HIP1: variants seen among roughly 807,000 people sequenced by gnomAD.
HIP1 encodes huntingtin interacting protein 1, also known as huntingtin-interacting protein 1.
A neutral mutation model predicts 147.6 loss-of-function variants in HIP1; 65 were observed. The observed-to-expected ratio is 0.44, with a 90% CI of 0.36 to 0.54. The LOEUF is 0.54. Ranked by LOEUF, HIP1 falls within the 20% of genes least tolerant of loss-of-function variation. The probability of loss-of-function intolerance (pLI) is 0.00; values close to 1 mark genes in which losing one functional copy is unlikely to be tolerated. For missense variants in HIP1, 1,061 were observed against 1,299.6 expected, an observed-to-expected ratio of 0.82 and a Z score of 2.82; for synonymous variants, 479 against 504.0, an observed-to-expected ratio of 0.95 and a Z score of 0.67.
At chr7:75,614,142 T>C (rs1797545910) in intron 1 of HIP1, among the ~76,000 whole-genome samples, 1 of 152,234 alleles carries the variant, frequency 6.6e-6, no homozygotes, top group Non-Finnish European at 1.5e-5. Context: ...CTCAAACTTC[T>C]GGCCTCAAGT....
chr7:75,629,929 C>T (rs887785417), intron 1 of HIP1, among the ~76,000 whole-genome samples: 1 of 152,108 alleles, frequency 6.6e-6, no homozygotes, highest in Non-Finnish European at 1.5e-5. Flanking sequence ...GAGGCCGAGG[C>T]AGGAGTATTG....
intron 7 of HIP1, among the ~76,000 whole-genome samples, chr7:75,576,690 C>T (rs1366917719): frequency 6.6e-6 from 1 of 152,134 alleles, no homozygotes; most frequent in African/African-American, 2.4e-5. Flanking sequence ...GCCTGAACGA[C>T]AGAGCAAGGC....
intron 2 of HIP1, among the ~76,000 whole-genome samples, chr7:75,595,187 C>CCTTTCTTTCTTTCGTT (rs1796645732): frequency 9.2e-6 from 1 of 108,340 alleles, no homozygotes; most frequent in Non-Finnish European, 2.0e-5. Flanking sequence ...GTGTAGGAGT[C>CCTTTCTTTCTTTCGTT]CTTTCTTTCT....
In HIP1 at chr7:75,689,499, G is replaced by A. The variant is rs570890163; in HGVS notation, c.120+49302C>T. On this transcript the variant is annotated intron_variant, in intron 1 of 30. Transcript: ENST00000336926. ...AGCCTGGGCAACAGAGCAAGACTCC[G>A]CCTCAAATAAATAAATAAAGGTAAT... is the stretch of plus-strand genomic sequence containing the variant. Among the ~76,000 whole-genome samples, 8 of 152,100 alleles carry A rather than the reference G, an allele frequency of 5.3e-5. No individual in the cohort carries two copies. In the East Asian group the frequency reaches 5.8e-4, roughly 11 times the overall value.
At chr7:75,736,909 G>A (rs537422655) in intron 1 of HIP1, among the ~76,000 whole-genome samples, 9 of 150,822 alleles carry the variant, frequency 6.0e-5, no homozygotes, top group Non-Finnish European at 1.0e-4. Context: ...ACACCTGCGC[G>A]CGGTTTTCTT....
In HIP1 at chr7:75,690,887, T is replaced by C. The variant is rs78263092; in HGVS notation, c.120+47914A>G. ...TCAAAAAAAAAAGTTAAACGTAGAA[T>C]TGCTATACGACCCAGCAATTCCACT... On this transcript the variant is annotated intron_variant, in intron 1 of 30. Transcript: ENST00000336926. Among the ~76,000 whole-genome samples the C allele has an allele frequency of 8.5e-3, 1,287 of 152,028 alleles. 23 individuals are homozygous for C. The highest frequency in any genetic ancestry group is 0.03 in the African/African-American group (1,236 of 41,468).
chr7:75,620,509 A>G (rs781790560), intron 1 of HIP1, among the ~76,000 whole-genome samples: 9 of 151,990 alleles, frequency 5.9e-5, no homozygotes, highest in Non-Finnish European at 1.0e-4. Context: ...CAACATGGTG[A>G]AACCAGTCTC....
chr7:75,668,667 C>G (rs1799632430), intron 1 of HIP1, among the ~76,000 whole-genome samples: 1 of 152,146 alleles, frequency 6.6e-6, no homozygotes, highest in South Asian at 2.1e-4. Context: ...TTGGGCCAAC[C>G]TCCTGGCCAA....
intron 1 of HIP1, among the ~76,000 whole-genome samples, chr7:75,675,899 T>TAATA (rs1195423776): frequency 1.3e-5 from 2 of 152,128 alleles, no homozygotes; most frequent in African/African-American, 2.4e-5. Flanking sequence ...GAGGATCACT[T>TAATA]AATAAATAAA....
chr7:75,632,566 T>C (rs1268711032), intron 1 of HIP1, among the ~76,000 whole-genome samples: 64 of 150,110 alleles, frequency 4.3e-4, no homozygotes, highest in African/African-American at 1.0e-3. Context: ...TTTTTCTTTT[T>C]TTTTTTTTTT....
chr7:75,617,877 T>G (rs1268439839), intron 1 of HIP1, among the ~76,000 whole-genome samples: 1 of 152,194 alleles, frequency 6.6e-6, no homozygotes, highest in Non-Finnish European at 1.5e-5. Flanking sequence ...TCCCCATTCA[T>G]CATAGTCACT....
In HIP1 at chr7:75,539,306, C is replaced by T. The variant is rs782782718; in HGVS notation, c.3061+17G>A. The T allele has an allele frequency of 3.1e-6, 5 of 1,594,168 alleles. No individual in the cohort carries two copies. The South Asian group carries it at 5.5e-5, about 18-fold the overall frequency. ...CTCCCTGCTGCGGGTTAGTGCCCAT[C>T]CTTGGAGTCAGCTTACCTTCTTCCC... On this transcript the variant is annotated intron_variant, in intron 30 of 30. Coordinates refer to ENST00000336926, the MANE Select transcript of HIP1 (RefSeq NM_005338.7).
Position 75,586,913 on chromosome 7 carries a change from A to T in HIP1, c.385-80T>A, listed in dbSNP as rs1396904447. The T allele has an allele frequency of 3.6e-6, 3 of 841,746 alleles. No homozygotes were observed. The African/African-American group carries it at 5.0e-5, about 14-fold the overall frequency. The allele number at this position is 841,746 out of a possible 1,614,324, so 52.1% of individuals were successfully genotyped here. A position where few individuals can be genotyped will look rare whatever the true frequency, so the allele number is the denominator to read the frequency against. ...GATCTGCAGCCAGGAATTCTCTGGT[A>T]AAGAATCTATCTTCTTTGTTTTCTC... On this transcript the variant is annotated intron_variant, in intron 4 of 30. Transcript: ENST00000336926.
Position 75,536,077 on chromosome 7 carries a change from C to T in HIP1, c.*2095G>A, listed in dbSNP as rs1384965535. 4 of 186,638 alleles carry T rather than the reference C, an allele frequency of 2.1e-5. No homozygotes were observed. The highest frequency in any genetic ancestry group is 9.4e-5 in the African/African-American group (4 of 42,692). The allele number at this position is 186,638 out of a possible 1,614,324, so 11.6% of individuals were successfully genotyped here. A position where few individuals can be genotyped will look rare whatever the true frequency, so the allele number is the denominator to read the frequency against. ...GAGATCTAGAAGTGAGGACTAGCCACTTTTGGAAATGTTGACCCGCATCAA... is the reference window on the plus strand; with the variant it reads ...GAGATCTAGAAGTGAGGACTAGCCATTTTTGGAAATGTTGACCCGCATCAA... On this transcript the variant is annotated 3_prime_UTR_variant, in exon 31 of 31. Transcript: ENST00000336926.
At chr7:75,544,904 G>C (rs1201079029) in intron 26 of HIP1, 104 bp from the exon 27 acceptor site, 1 of 828,596 alleles carries the variant, frequency 1.2e-6, no homozygotes, top group Non-Finnish European at 2.0e-6. Flanking sequence ...AAACAGGGAG[G>C]GGAGGCTGCC....
chr7:75,671,735 G>GT (rs1285653195), intron 1 of HIP1, among the ~76,000 whole-genome samples: 2 of 149,370 alleles, frequency 1.3e-5, no homozygotes, highest in African/African-American at 2.5e-5. Context: ...TTTATTTCAT[G>GT]TTTTCCTTTT....
In HIP1 at chr7:75,539,483, A is replaced by ATTT; in HGVS notation, c.2953-55_2953-53dup. ...CTCTTAATCATCTCTCAGAGATTTA[A>ATTT]TTTTTATTTATTTTTTTATAGAGAT... On this transcript the variant is annotated intron_variant, in intron 29 of 30. Transcript: ENST00000336926. 12 of 1,380,238 alleles carry ATTT rather than the reference A, an allele frequency of 8.7e-6. No individual in the cohort carries two copies. In the African/African-American group the frequency reaches 1.3e-4, roughly 15 times the overall value. 85.5% of individuals were successfully genotyped at this position (1,380,238 alleles called of 1,614,324 possible). A position where few individuals can be genotyped will look rare whatever the true frequency, so the allele number is the denominator to read the frequency against.
chr7:75,737,622 A>G (rs1472558958), intron 1 of HIP1, among the ~76,000 whole-genome samples: 1 of 152,220 alleles, frequency 6.6e-6, no homozygotes, highest in African/African-American at 2.4e-5. Flanking sequence ...CTGGGATTAC[A>G]GGTGTGAGGT....
Position 75,568,674 on chromosome 7 carries a change from G to A in HIP1, c.746-418C>T, listed in dbSNP as rs6943369. ...GCTGATATTAGTCTGGAAGAGATCC[G>A]CAGAACCTGCCCAAGAGGATGGCTG... is the stretch of plus-strand genomic sequence containing the variant. On this transcript the variant is annotated intron_variant, in intron 8 of 30. Transcript: ENST00000336926. The surrounding 1 kb of genome is among the most constrained non-coding windows in gnomAD (Gnocchi z 4.1). Among the ~76,000 whole-genome samples the A allele has an allele frequency of 0.025, 3,858 of 152,226 alleles. 162 individuals are homozygous for A. Among genetic ancestry groups the A allele is most frequent in the African/African-American group, 0.087 (3,622 of 41,528 alleles).
Sources: gnomAD v4.1 joint callset for allele counts (sites outside exome capture counted in the v4.1 genomes callset) on GRCh38, gnomAD v4.1.1 for gene constraint, Gnocchi (gnomAD v3.1) non-coding constraint, MANE v1.5 for transcripts, NCBI Gene and HGNC (gene_info 2026-07-23, HGNC 2026-07-21) for gene names.